The following RBFOX1 variants were observed in gnomAD, a reference collection of about 807,000 sequenced individuals.
RBFOX1 encodes the protein RNA binding fox-1 homolog 1, also known as RNA binding protein fox-1 homolog 1.
RBFOX1 carries 8 observed loss-of-function variants against 57.7 expected under a neutral mutation model. That is an observed-to-expected ratio of 0.14 (90% confidence interval 0.08 to 0.25). RBFOX1 has a LOEUF of 0.25. Among genes scored for constraint, RBFOX1 ranks in the 10% least tolerant of loss-of-function variants. The pLI is 1.00. For synonymous variants in RBFOX1, 326 were observed against 222.4 expected (o/e 1.47, Z -4.15); for missense variants, 611 against 548.5 (o/e 1.11, Z -1.14).
chr16:6,074,783 C>T (rs1444383433), intron 1 of RBFOX1, among the ~76,000 whole-genome samples: 2 of 152,056 alleles, frequency 1.3e-5, no homozygotes, highest in Non-Finnish European at 2.9e-5. Context: ...AAGCGTCAGG[C>T]CTCACGGGGA....
chr16:6,351,295 A>G (rs1407159758), intron 2 of RBFOX1, among the ~76,000 whole-genome samples: 3 of 145,906 alleles, frequency 2.1e-5, no homozygotes, highest in African/African-American at 7.5e-5. Context: ...ATAAAATAAT[A>G]TTGTATACAT....
At chr16:5,955,244 G>A (rs1462644399) in intron 4 of RBFOX1, among the ~76,000 whole-genome samples, 1 of 145,412 alleles carries the variant, frequency 6.9e-6, no homozygotes, top group Non-Finnish European at 1.5e-5. Context: ...TTATGCCATT[G>A]CACTTCAGCC....
intron 2 of RBFOX1, among the ~76,000 whole-genome samples, chr16:5,481,969 T>C (rs1454170778): frequency 2.4e-4 from 37 of 152,196 alleles, no homozygotes; most frequent in Admixed American, 2.4e-3. Context: ...TACGGTCACA[T>C]TCTGAAGTAC....
chr16:7,534,761 C>G (rs1294451990), intron 5 of RBFOX1, among the ~76,000 whole-genome samples: 2 of 133,478 alleles, frequency 1.5e-5, no homozygotes, highest in South Asian at 2.6e-4. Context: ...AGAAGAAAAT[C>G]CTAATGAGCA....
At position 5,448,930 on chromosome 16, in the gene RBFOX1, C is replaced by T. The variant is rs117512063; in HGVS notation, c.220-18286C>T. On this transcript the variant is annotated intron_variant, in intron 1 of 2. Transcript: ENST00000585867. ...CTTCAGCTTGGAATACGTGTCTCCT[C>T]CCACTCTCTACTGCAGACCCCCTGG... Among the ~76,000 whole-genome samples the T allele has an allele frequency of 9.3e-3, 1,417 of 152,198 alleles. 16 individuals are homozygous for T. Among genetic ancestry groups the T allele is most frequent in the Non-Finnish European group, 0.013 (911 of 67,998 alleles).
chr16:7,099,206 T>A (rs1415368668), intron 4 of RBFOX1, among the ~76,000 whole-genome samples: 2 of 152,180 alleles, frequency 1.3e-5, no homozygotes, highest in Non-Finnish European at 2.9e-5. Context: ...ACAAACAATG[T>A]CTTCTGCATA....
chr16:5,339,765 TC>T (rs2064994052), intron 1 of RBFOX1, among the ~76,000 whole-genome samples: 2 of 151,836 alleles, frequency 1.3e-5, no homozygotes, highest in South Asian at 4.2e-4. Context: ...AGCAAGTGGG[TC>T]AGGGGTGAAC....
chr16:7,299,964 C>A (rs537094447), intron 4 of RBFOX1, among the ~76,000 whole-genome samples: 3 of 152,188 alleles, frequency 2.0e-5, no homozygotes, highest in Non-Finnish European at 2.9e-5. Flanking sequence ...AAGTCAGGGA[C>A]CATCTGTATT....
rs556032908 is a variant in RBFOX1 at position 7,121,376 on chromosome 16, A to G, written c.27+69278A>G. 4.6e-5 allele frequency among the ~76,000 whole-genome samples: 7 copies of G among 152,254 alleles called. No homozygotes were observed. The East Asian group carries it at 1.2e-3, about 25-fold the overall frequency. On this transcript the variant is annotated intron_variant, in intron 4 of 15. Coordinates refer to ENST00000550418, the MANE Select transcript of RBFOX1 (RefSeq NM_018723.4). ...TATTTATAAAATCCCAAGGAACTCT[A>G]AAACCTCTTAGGTGAAAACATAAAT...
intron 1 of RBFOX1, among the ~76,000 whole-genome samples, chr16:5,400,750 T>G (rs1201476303): frequency 6.6e-6 from 1 of 152,146 alleles, no homozygotes; most frequent in African/African-American, 2.4e-5. Context: ...TAAGGAAGAT[T>G]GTAAAAACTT....
At chr16:7,637,221 GATTA>G (rs1176556111) in intron 11 of RBFOX1, among the ~76,000 whole-genome samples, 1 of 148,336 alleles carries the variant, frequency 6.7e-6, no homozygotes, top group Non-Finnish European at 1.5e-5. Flanking sequence ...GTTAATAGAA[GATTA>G]ATTATCGTTT....
chr16:6,390,226 T>G (rs2092527763), intron 2 of RBFOX1, among the ~76,000 whole-genome samples: 1 of 152,212 alleles, frequency 6.6e-6, no homozygotes, highest in Non-Finnish European at 1.5e-5. Flanking sequence ...TACATATCCG[T>G]AAACCTGAGT....
At chr16:7,517,861 C>T (rs1214043261) in intron 4 of RBFOX1, among the ~76,000 whole-genome samples, 3 of 151,814 alleles carry the variant, frequency 2.0e-5, no homozygotes, top group East Asian at 1.9e-4. Context: ...AGCCACAGAC[C>T]CTCATGTCTT....
chr16:5,466,479 T>C (rs2068957468), intron 1 of RBFOX1, among the ~76,000 whole-genome samples: 1 of 152,148 alleles, frequency 6.6e-6, no homozygotes, highest in African/African-American at 2.4e-5. Context: ...CCTGGGGCCC[T>C]GAAATCAGAG....
intron 12 of RBFOX1, among the ~76,000 whole-genome samples, chr16:7,658,512 C>A (rs77191135): frequency 0.056 from 8,520 of 152,090 alleles, 427 homozygotes; most frequent in African/African-American, 0.13. Flanking sequence ...AATTACCCAT[C>A]AGGTAATTGC....
intron 3 of RBFOX1, among the ~76,000 whole-genome samples, chr16:6,698,905 T>A (rs775611585): frequency 1.3e-5 from 2 of 152,150 alleles, no homozygotes; most frequent in Non-Finnish European, 2.9e-5. Flanking sequence ...TCCCCCTTAT[T>A]CATAAAAGAG....
chr16:6,437,199 G>C (rs933679738), intron 2 of RBFOX1, among the ~76,000 whole-genome samples: 1 of 152,188 alleles, frequency 6.6e-6, no homozygotes, highest in African/African-American at 2.4e-5. Context: ...TGTTTTTACT[G>C]TTCAATCAGG....
intron 1 of RBFOX1, among the ~76,000 whole-genome samples, chr16:5,431,606 C>T (rs1281801075): frequency 6.6e-6 from 1 of 152,122 alleles, no homozygotes; most frequent in East Asian, 1.9e-4. Flanking sequence ...AACTCCTGAC[C>T]TTGTGATCCG....
At chr16:6,961,553 G>A (rs1344313949) in intron 3 of RBFOX1, among the ~76,000 whole-genome samples, 1 of 152,218 alleles carries the variant, frequency 6.6e-6, no homozygotes, top group East Asian at 1.9e-4. Flanking sequence ...GACGAGCGAA[G>A]AAACAAACGA....
Sources: allele counts gnomAD v4.1 joint callset (sites outside exome capture counted in the v4.1 genomes callset), GRCh38; gene constraint gnomAD v4.1.1; transcripts MANE v1.5; gene names NCBI Gene and HGNC (gene_info 2026-07-23, HGNC 2026-07-21).